PTPRK: variants seen among roughly 807,000 people sequenced by gnomAD.
PTPRK encodes the protein protein tyrosine phosphatase receptor type K.
In PTPRK, 75 loss-of-function variants were observed where a neutral mutation model predicts 178.0. The observed-to-expected ratio is 0.42, with a 90% CI of 0.35 to 0.51. The LOEUF (loss-of-function observed/expected upper bound fraction) is 0.51. PTPRK is among the 20% of genes least tolerant of loss of function. The pLI is 0.02. For missense variants in PTPRK, 1,441 were observed against 1,797.8 expected (o/e 0.80, Z 3.59); for synonymous variants, 637 against 620.6 (o/e 1.03, Z -0.39).
intron 13 of PTPRK, among the ~76,000 whole-genome samples, chr6:128,061,889 T>A (rs922812005): frequency 2.0e-5 from 3 of 152,168 alleles, no homozygotes; most frequent in African/African-American, 7.2e-5. Flanking sequence ...TACCTATATA[T>A]CCACACACAA....
intron 2 of PTPRK, among the ~76,000 whole-genome samples, chr6:128,365,505 C>A (rs559879005): frequency 8.5e-5 from 13 of 152,172 alleles, no homozygotes; most frequent in Middle Eastern, 3.4e-3. Flanking sequence ...CTTCTGAAGT[C>A]TTTTATAATT....
At chr6:128,468,250 T>C (rs886387779) in intron 1 of PTPRK, among the ~76,000 whole-genome samples, 12 of 152,190 alleles carry the variant, frequency 7.9e-5, no homozygotes, top group African/African-American at 2.9e-4. Context: ...AATTTGGGGC[T>C]CACAATTTGT....
rs539716743 is a variant in PTPRK, at chr6:128,054,846, C to T, written c.2194+9912G>A. On this transcript the variant is annotated intron_variant, in intron 13 of 29. Coordinates refer to ENST00000368226, the MANE Select transcript of PTPRK (RefSeq NM_002844.4). ...GAAGAATGAACCACGGACTAGGGGT[C>T]AGGAGGACCAGCTTATAATCCTGCT... Among the ~76,000 whole-genome samples, 8 of 152,268 alleles carry T rather than the reference C, an allele frequency of 5.3e-5. No individual in the cohort carries two copies. The South Asian group carries it at 1.7e-3, about 32-fold the overall frequency.
intron 1 of PTPRK, among the ~76,000 whole-genome samples, chr6:128,445,601 C>CATATATATACAT (rs1846906256): frequency 6.6e-6 from 1 of 151,696 alleles, no homozygotes; most frequent in African/African-American, 2.4e-5. Context: ...GTTCTAATTA[C>CATATATATACAT]AGTATACATT....
intron 1 of PTPRK, among the ~76,000 whole-genome samples, chr6:128,461,844 A>G (rs921473789): frequency 2.0e-5 from 3 of 152,240 alleles, no homozygotes; most frequent in African/African-American, 7.2e-5. Flanking sequence ...CTGGAATTAT[A>G]TAGAACAAGG....
At chr6:128,425,390 T>C (rs893240097) in intron 1 of PTPRK, among the ~76,000 whole-genome samples, 5 of 152,082 alleles carry the variant, frequency 3.3e-5, no homozygotes, top group African/African-American at 1.2e-4. Flanking sequence ...ATGTGTAGTC[T>C]TTTATCCCTC....
chr6:128,045,485 A>G (rs1346820726), intron 13 of PTPRK, among the ~76,000 whole-genome samples: 1 of 152,060 alleles, frequency 6.6e-6, no homozygotes, highest in African/African-American at 2.4e-5. Flanking sequence ...TGTCCATTCT[A>G]AGAGGGTATG....
intron 7 of PTPRK, among the ~76,000 whole-genome samples, chr6:128,094,575 A>G (rs1322980980): frequency 2.0e-5 from 3 of 152,190 alleles, no homozygotes; most frequent in African/African-American, 7.2e-5. Context: ...AAATGATCCA[A>G]TAATTTCTTA....
chr6:128,032,646 C>CT (rs1305795704), intron 13 of PTPRK, among the ~76,000 whole-genome samples: 1 of 152,150 alleles, frequency 6.6e-6, no homozygotes, highest in African/African-American at 2.4e-5. Context: ...ACATTCCCCT[C>CT]TTTAAGAAGG....
At chr6:128,073,195 A>G (rs765656353) in intron 11 of PTPRK, among the ~76,000 whole-genome samples, 1 of 152,044 alleles carries the variant, frequency 6.6e-6, no homozygotes, top group Non-Finnish European at 1.5e-5. Context: ...CCAAATATTT[A>G]TTGAGTATCT....
chr6:128,492,809 C>A (rs1403624536), intron 1 of PTPRK, among the ~76,000 whole-genome samples: 1 of 152,092 alleles, frequency 6.6e-6, no homozygotes, highest in African/African-American at 2.4e-5. Context: ...CATATGGAAA[C>A]CCTTGCCTTC....
intron 6 of PTPRK, among the ~76,000 whole-genome samples, chr6:128,189,929 T>C (rs1803471660): frequency 6.6e-6 from 1 of 152,192 alleles, no homozygotes; most frequent in Non-Finnish European, 1.5e-5. Flanking sequence ...ACCCCTACAA[T>C]AATTTTAAAT....
intron 7 of PTPRK, among the ~76,000 whole-genome samples, chr6:128,165,390 A>G (rs1284156479): frequency 6.6e-6 from 1 of 151,184 alleles, no homozygotes. Flanking sequence ...ATTTCACCAA[A>G]AGTTAATAAT....
At chr6:128,384,384 TA>T (rs1838390497) in intron 2 of PTPRK, among the ~76,000 whole-genome samples, 1 of 107,554 alleles carries the variant, frequency 9.3e-6, no homozygotes, top group African/African-American at 2.5e-5. Flanking sequence ...ACAATATTTC[TA>T]TTTTTTTTTT....
chr6:128,341,407 A>G (rs2128331447), intron 2 of PTPRK, among the ~76,000 whole-genome samples: 1 of 152,322 alleles, frequency 6.6e-6, no homozygotes, highest in South Asian at 2.1e-4. Flanking sequence ...CTCAGACTCA[A>G]ACAGAATTTG....
chr6:128,506,659 C>CAAAAAAAAA (rs60473661), intron 1 of PTPRK, among the ~76,000 whole-genome samples: 1 of 53,094 alleles, frequency 1.9e-5, no homozygotes, highest in African/African-American at 6.8e-5. Context: ...AACTCTGTCT[C>CAAAAAAAAA]AAAAAAAAAA....
At chr6:128,085,241 C>T (rs1315803942) in intron 8 of PTPRK, 1 of 152,254 alleles carries the variant, frequency 6.6e-6, no homozygotes, top group Non-Finnish European at 1.5e-5. Context: ...CTGAATGCAT[C>T]CGCTCTCTCC....
chr6:128,508,714 C>T (rs1414657906), intron 1 of PTPRK, among the ~76,000 whole-genome samples: 3 of 151,776 alleles, frequency 2.0e-5, no homozygotes, highest in Non-Finnish European at 4.4e-5. Flanking sequence ...GAGGCTGAGG[C>T]GGCAGGTCAC....
chr6:128,307,992 T>C (rs904572557), intron 3 of PTPRK, among the ~76,000 whole-genome samples: 3 of 152,136 alleles, frequency 2.0e-5, no homozygotes, highest in Admixed American at 2.0e-4. Context: ...TTTTTAAAAA[T>C]ATTACCACTA....
Sources: allele counts gnomAD v4.1 joint callset (sites outside exome capture counted in the v4.1 genomes callset), GRCh38; gene constraint gnomAD v4.1.1; transcripts MANE v1.5; gene names NCBI Gene and HGNC (gene_info 2026-07-23, HGNC 2026-07-21).